KIAA1549: variants seen among roughly 807,000 people sequenced by gnomAD.
KIAA1549 encodes KIAA1549, also known as UPF0606 protein KIAA1549.
Under a neutral mutation model 156.4 loss-of-function variants are expected in KIAA1549, and 70 were observed. That is an observed-to-expected ratio of 0.45 (90% confidence interval 0.37 to 0.55). The LOEUF is 0.55. Ranked by LOEUF, KIAA1549 falls within the 20% of genes least tolerant of loss-of-function variation. The pLI, the probability that KIAA1549 is intolerant of heterozygous loss-of-function variation, is 0.00. For missense variants in KIAA1549, 2,428 were observed against 2,540.9 expected, an observed-to-expected ratio of 0.96 and a Z score of 0.96; for synonymous variants, 1,103 against 1,066.4, an observed-to-expected ratio of 1.03 and a Z score of -0.67.
At chr7:138,914,451 A>G (rs1319812735) in intron 2 of KIAA1549, among the ~76,000 whole-genome samples, 2 of 152,220 alleles carry the variant, frequency 1.3e-5, no homozygotes, top group Non-Finnish European at 2.9e-5. Context: ...GGGCGCGTGC[A>G]GGCAAGTGCT....
At chr7:138,856,089 T>A (rs1302876196) in intron 16 of KIAA1549, among the ~76,000 whole-genome samples, 1 of 151,590 alleles carries the variant, frequency 6.6e-6, no homozygotes, top group East Asian at 1.9e-4. Context: ...CGGACTGCAG[T>A]GGCACTATCT....
intron 19 of KIAA1549, among the ~76,000 whole-genome samples, chr7:138,839,259 C>T (rs945406538): frequency 6.6e-6 from 1 of 151,948 alleles, no homozygotes; most frequent in Non-Finnish European, 1.5e-5. Context: ...TGTAGCATAA[C>T]GATAAGGAGA....
At chr7:138,898,352 A>G (rs1811749151) in intron 9 of KIAA1549, among the ~76,000 whole-genome samples, 1 of 151,990 alleles carries the variant, frequency 6.6e-6, no homozygotes, top group Non-Finnish European at 1.5e-5. Flanking sequence ...TGGAAAGGAA[A>G]CTACTGACAG....
At chr7:138,967,855 A>G (rs1191285489) in intron 1 of KIAA1549, among the ~76,000 whole-genome samples, 2 of 152,140 alleles carry the variant, frequency 1.3e-5, no homozygotes, top group Non-Finnish European at 2.9e-5. Flanking sequence ...CCCAATCCCC[A>G]TCCAGATCTG....
intron 1 of KIAA1549, among the ~76,000 whole-genome samples, chr7:138,963,161 C>T (rs1813905941): frequency 6.6e-6 from 1 of 152,230 alleles, no homozygotes; most frequent in Admixed American, 6.5e-5. Flanking sequence ...AACTACCACA[C>T]AACTGGCCTG....
chr7:138,944,345 A>T (rs1813281230), intron 1 of KIAA1549, among the ~76,000 whole-genome samples: 1 of 152,180 alleles, frequency 6.6e-6, no homozygotes, highest in South Asian at 2.1e-4. Flanking sequence ...TGCAAATCAA[A>T]AGCACAATAA....
At chr7:138,868,534 TCTC>T (rs1054542730) in intron 14 of KIAA1549, among the ~76,000 whole-genome samples, 26 of 152,228 alleles carry the variant, frequency 1.7e-4, no homozygotes, top group Admixed American at 1.6e-3. Context: ...TTGAAACAAT[TCTC>T]CTGCCTCAGC....
rs779474935 is a variant in KIAA1549 at position 138,894,500 on chromosome 7, G to A, written c.3874C>T (p.Pro1292Ser). The A allele has an allele frequency of 4.3e-6, 7 of 1,613,886 alleles. No homozygotes were observed. The highest frequency in any genetic ancestry group is 5.1e-6 in the Non-Finnish European group (6 of 1,179,898). ...CACAAGTTGTTGCTCTGGGATTCCG[G>A]AGACGGCCTCTTCACCCTGTCGACA... Reference protein sequence around the residue: ...QPVDRVKRPSPESQSNNLWVI... With the variant: ...QPVDRVKRPSSESQSNNLWVI... The change falls in exon 10 of 20, where the codon CCG (proline) becomes TCG (serine). Residue 1292 changes from proline to serine, a missense_variant. By Grantham distance (74) the Pro-to-Ser change is moderately conservative. Coordinates refer to ENST00000422774, the MANE Select transcript of KIAA1549 (RefSeq NM_001164665.2).
At chr7:138,975,189 C>T (rs916141993) in intron 1 of KIAA1549, among the ~76,000 whole-genome samples, 1 of 151,860 alleles carries the variant, frequency 6.6e-6, no homozygotes, top group Non-Finnish European at 1.5e-5. Context: ...TAGAATTTCA[C>T]TAATGAGAAG....
intron 1 of KIAA1549, among the ~76,000 whole-genome samples, chr7:138,927,108 G>A (rs373251483): frequency 5.3e-5 from 8 of 152,100 alleles, no homozygotes; most frequent in South Asian, 2.1e-4. Context: ...ATTTCTCTCC[G>A]TATTGGTTTT....
chr7:138,974,815 T>C (rs1563100157), intron 1 of KIAA1549, among the ~76,000 whole-genome samples: 1 of 150,506 alleles, frequency 6.6e-6, no homozygotes, highest in Non-Finnish European at 1.5e-5. Context: ...CCTGGTCAAA[T>C]AAAATATGGT....
At chr7:138,871,975 ATTTAT>A (rs1001307455) in intron 12 of KIAA1549, among the ~76,000 whole-genome samples, 3 of 152,132 alleles carry the variant, frequency 2.0e-5, no homozygotes, top group Non-Finnish European at 4.4e-5. Flanking sequence ...TTCCTACTTT[ATTTAT>A]TTTTTTAATT....
intron 1 of KIAA1549, among the ~76,000 whole-genome samples, chr7:138,974,855 C>T (rs1183062692): frequency 6.6e-6 from 1 of 151,296 alleles, no homozygotes; most frequent in African/African-American, 2.4e-5. Flanking sequence ...AGACTCAGTC[C>T]CAAAAGCAGG....
At chr7:138,883,634 T>C (rs1811311860) in intron 10 of KIAA1549, among the ~76,000 whole-genome samples, 1 of 152,100 alleles carries the variant, frequency 6.6e-6, no homozygotes, top group Non-Finnish European at 1.5e-5. Flanking sequence ...CTCCAAGGTA[T>C]GTAGAAATGT....
chr7:138,926,876 G>A (rs1420260228), intron 1 of KIAA1549, among the ~76,000 whole-genome samples: 2 of 152,042 alleles, frequency 1.3e-5, no homozygotes, highest in African/African-American at 4.8e-5. Context: ...CCCAGTTTAA[G>A]AAAAGTACTA....
At chr7:138,957,763 A>C (rs552026) in intron 1 of KIAA1549, among the ~76,000 whole-genome samples, 62,964 of 151,814 alleles carry the variant, frequency 0.41, 15,864 homozygotes, top group African/African-American at 0.72. Flanking sequence ...CAGACATGAG[A>C]CACTGCACCC....
In KIAA1549 at chr7:138,912,143, AT is replaced by A. The variant is rs563303354; in HGVS notation, c.2967+228del. Reference sequence around the variant, plus strand: ...CCCTTTGTTCCAACTCTGCCAACACATCCCCTAAAGGACTAACCCTGACCTC... The same window carrying A: ...CCCTTTGTTCCAACTCTGCCAACACACCCCTAAAGGACTAACCCTGACCTC... On this transcript the variant is annotated intron_variant, in intron 3 of 19. Transcript: ENST00000422774. 1.4e-4 allele frequency among the ~76,000 whole-genome samples: 22 copies of A among 152,302 alleles called. No homozygotes were observed. The South Asian group carries it at 4.4e-3, about 30-fold the overall frequency.
intron 15 of KIAA1549, among the ~76,000 whole-genome samples, chr7:138,861,776 T>C (rs1043293969): frequency 6.8e-6 from 1 of 148,038 alleles, no homozygotes; most frequent in African/African-American, 2.5e-5. Flanking sequence ...GAGGCTGAGG[T>C]GGAAGGATAG....
chr7:138,916,883 C>T lies in KIAA1549; in HGVS notation c.2743G>A (p.Ala915Thr), dbSNP rs780665573. The change falls in exon 2 of 20, where the codon GCT (alanine) becomes ACT (threonine). Residue 915 changes from alanine to threonine, a missense_variant. Physicochemically the swap from Ala to Thr is moderately conservative, Grantham distance 58. Transcript: ENST00000422774. Reference protein sequence around the residue: ...ASQSPPESSAAPPLPSLRPVT... With the variant: ...ASQSPPESSATPPLPSLRPVT... ...GGACGCAGGGATGGCAGGGGAGGAG[C>T]AGCACTACTCTCTGGGGGGCTCTGA... The T allele has an allele frequency of 6.2e-7, 1 of 1,613,750 alleles. No individual in the cohort carries two copies. The highest frequency in any genetic ancestry group is 8.5e-7 in the Non-Finnish European group (1 of 1,179,826).
Sources: allele counts gnomAD v4.1 joint callset (sites outside exome capture counted in the v4.1 genomes callset), GRCh38; gene constraint gnomAD v4.1.1; transcripts MANE v1.5; gene names NCBI Gene and HGNC (gene_info 2026-07-23, HGNC 2026-07-21).